Variants in MAD1L1 observed in about 807,000 individuals in gnomAD.
The protein encoded by MAD1L1 is mitotic spindle assembly checkpoint protein MAD1.
MAD1L1 carries 95 observed loss-of-function variants against 96.9 expected under a neutral mutation model. That is an observed-to-expected ratio of 0.98 (90% CI 0.83 to 1.16). MAD1L1 has a LOEUF of 1.16. MAD1L1 is among the 50% of genes most tolerant of loss of function. The probability of loss-of-function intolerance (pLI) is 0.00; values close to 1 mark genes in which losing one functional copy is unlikely to be tolerated. For synonymous variants in MAD1L1, 473 were observed against 396.6 expected (o/e 1.19, Z -2.29); for missense variants, 1,007 against 954.4 (o/e 1.06, Z -0.73).
intron 12 of MAD1L1, among the ~76,000 whole-genome samples, chr7:2,022,051 G>A (rs1438251697): frequency 6.6e-6 from 1 of 152,148 alleles, no homozygotes; most frequent in African/African-American, 2.4e-5. Context: ...TACCTCTGGG[G>A]CTCAAGTGAT....
intron 6 of MAD1L1, 77 bp downstream of exon 6, chr7:2,219,255 C>T (rs1793456090): frequency 7.4e-7 from 1 of 1,357,272 alleles, no homozygotes; most frequent in Non-Finnish European, 1.0e-6. Context: ...ACATCCCACC[C>T]AGCCACCAGG....
At chr7:1,923,639 C>T (rs1021427371) in intron 17 of MAD1L1, among the ~76,000 whole-genome samples, 17 of 152,268 alleles carry the variant, frequency 1.1e-4, no homozygotes, top group African/African-American at 3.9e-4. Flanking sequence ...CTGTGGCTGG[C>T]GTTGGCCGTG....
intron 18 of MAD1L1, among the ~76,000 whole-genome samples, chr7:1,896,298 C>T (rs911681382): frequency 3.9e-5 from 6 of 152,242 alleles, no homozygotes; most frequent in African/African-American, 1.4e-4. Flanking sequence ...TCTCAACATC[C>T]TGCCATGGCT....
intron 15 of MAD1L1, among the ~76,000 whole-genome samples, chr7:1,966,652 C>T (rs1224185593): frequency 2.0e-5 from 3 of 149,444 alleles, no homozygotes; most frequent in Non-Finnish European, 4.4e-5. Context: ...CACACCCAGA[C>T]ACATCCAAAC....
rs186946999 is a variant in MAD1L1, at chr7:2,064,779, C to T, written c.1218+4415G>A. On this transcript the variant is annotated intron_variant, in intron 12 of 18. Coordinates refer to ENST00000265854, the MANE Select transcript of MAD1L1 (RefSeq NM_001013836.2). ...ATGGCAGCTTCTCCTAGGAATATGG[C>T]GGCTTCTCCCAGGACGGAGGCTTCT... 4.5e-3 allele frequency among the ~76,000 whole-genome samples: 691 copies of T among 151,908 alleles called. 6 individuals are homozygous for T. The highest frequency in any genetic ancestry group is 0.016 in the African/African-American group (649 of 41,428).
chr7:2,002,139 A>G lies in MAD1L1; in HGVS notation c.1360-18T>C, dbSNP rs754829547. On this transcript the variant is annotated intron_variant, in intron 13 of 18. Coordinates refer to ENST00000265854, the MANE Select transcript of MAD1L1 (RefSeq NM_001013836.2). ...AGCTGAGCCTGCAAGACAAGACAGG[A>G]TTCGGCCTGAGACTGTGGTGGGCCA... is the stretch of plus-strand genomic sequence containing the variant. 7.4e-6 allele frequency: 12 copies of G among 1,612,282 alleles called. No homozygotes were observed. In the Admixed American group the frequency reaches 1.8e-4, roughly 25 times the overall value.
intron 11 of MAD1L1, among the ~76,000 whole-genome samples, chr7:2,128,370 C>T (rs189187840): frequency 5.3e-5 from 8 of 152,166 alleles, no homozygotes; most frequent in Admixed American, 2.6e-4. Context: ...AAAGAGAGGG[C>T]GGAGGAGGCC....
intron 12 of MAD1L1, 76 bp downstream of exon 12, chr7:2,069,118 T>TG (rs1189640847): frequency 7.0e-7 from 1 of 1,436,772 alleles, no homozygotes; most frequent in African/African-American, 1.5e-5. Flanking sequence ...GCCTCCACAG[T>TG]GAGATCCAGC....
chr7:1,871,146 G>A (rs558322652), intron 18 of MAD1L1, among the ~76,000 whole-genome samples: 32 of 143,610 alleles, frequency 2.2e-4, no homozygotes, highest in South Asian at 6.8e-4. Flanking sequence ...CGCCTGCCAC[G>A]CTGAACCGAC....
chr7:2,171,491 A>G (rs1790702829), intron 10 of MAD1L1, among the ~76,000 whole-genome samples: 1 of 137,020 alleles, frequency 7.3e-6, no homozygotes, highest in Non-Finnish European at 1.5e-5. Flanking sequence ...AGAGAAGGAC[A>G]GCAGCCGGAG....
Position 2,052,402 on chromosome 7 carries a change from A to T in MAD1L1, c.1218+16792T>A, listed in dbSNP as rs2398710. On this transcript the variant is annotated intron_variant, in intron 12 of 18. Coordinates refer to ENST00000265854, the MANE Select transcript of MAD1L1 (RefSeq NM_001013836.2). ...CAACAGACAGCAAGCAACAGCACCC[A>T]GGAGGGCGCCGGACAGCTCACTAGG... is the stretch of plus-strand genomic sequence containing the variant. Among the ~76,000 whole-genome samples, 329 of 147,802 alleles carry T rather than the reference A, an allele frequency of 2.2e-3. 1 individual carries two copies. Among genetic ancestry groups the T allele is most frequent in the African/African-American group, 8.1e-3 (316 of 38,982 alleles).
chr7:2,114,990 C>G lies in MAD1L1; in HGVS notation c.1073+34162G>C, dbSNP rs970005139. The stretch of plus-strand genomic sequence containing the variant: ...TCTGTTCCCAGGGTAGAAACAGTGA[C>G]GGGCCAGTGCAGCAGAGAAGAGCAG... On this transcript the variant is annotated intron_variant, in intron 11 of 18. Transcript: ENST00000265854. The surrounding 1 kb of genome is among the most constrained non-coding windows in gnomAD (Gnocchi z 4.2). 1.3e-5 allele frequency among the ~76,000 whole-genome samples: 2 copies of G among 152,238 alleles called. No homozygotes were observed. The highest frequency in any genetic ancestry group is 2.9e-5 in the Non-Finnish European group (2 of 68,036).
chr7:2,042,883 GTCCACGTCCACGTCCACGTCCACA>G (rs1460265907), intron 12 of MAD1L1, among the ~76,000 whole-genome samples: 43 of 16,296 alleles, frequency 2.6e-3, no homozygotes, highest in Admixed American at 4.9e-3. Flanking sequence ...GCACACACAT[GTCCACGTCCACGTCCACGTCCACA>G]TCCACGTCCA....
At chr7:2,066,524 G>A (rs1228198253) in intron 12 of MAD1L1, among the ~76,000 whole-genome samples, 1 of 152,236 alleles carries the variant, frequency 6.6e-6, no homozygotes, top group East Asian at 1.9e-4. Flanking sequence ...CGCGAGCACA[G>A]CAGGGTCGGG....
At chr7:2,090,999 G>C (rs931012186) in intron 11 of MAD1L1, among the ~76,000 whole-genome samples, 4 of 152,124 alleles carry the variant, frequency 2.6e-5, no homozygotes. Flanking sequence ...CATTTATTTC[G>C]GTCAGCCTGA....
intron 17 of MAD1L1, among the ~76,000 whole-genome samples, chr7:1,929,103 G>A (rs1162369848): frequency 6.6e-6 from 1 of 152,100 alleles, no homozygotes; most frequent in Non-Finnish European, 1.5e-5. Flanking sequence ...AGGCCGAGCA[G>A]GTGGATTCCA....
intron 17 of MAD1L1, among the ~76,000 whole-genome samples, chr7:1,902,981 A>G (rs1562507305): frequency 6.7e-6 from 1 of 150,196 alleles, no homozygotes; most frequent in Non-Finnish European, 1.5e-5. Context: ...CCAGTGGCCT[A>G]CAGAAGACGC....
chr7:1,847,179 C>T (rs1229451841), intron 18 of MAD1L1: 1 of 448,008 alleles, frequency 2.2e-6, no homozygotes, highest in South Asian at 1.6e-5. Context: ...AGGAGTTCCT[C>T]CCTGGTCCAG....
intron 16 of MAD1L1, among the ~76,000 whole-genome samples, chr7:1,939,230 G>GGC (rs1778816783): frequency 8.1e-6 from 1 of 123,180 alleles, no homozygotes; most frequent in East Asian, 2.6e-4. Context: ...CAGGGCCAGA[G>GGC]GCACACACAC....
Sources: gnomAD v4.1 joint callset for allele counts (sites outside exome capture counted in the v4.1 genomes callset) on GRCh38, gnomAD v4.1.1 for gene constraint, Gnocchi (gnomAD v3.1) non-coding constraint, MANE v1.5 for transcripts, NCBI Gene and HGNC (gene_info 2026-07-23, HGNC 2026-07-21) for gene names.